The following AMACR variants were observed in gnomAD, a reference collection of about 807,000 sequenced individuals.
The protein encoded by AMACR is 2-methylacyl-CoA racemase.
Under a neutral mutation model 22.2 loss-of-function variants are expected in AMACR, and 18 were observed. The observed-to-expected ratio is 0.81, with a 90% CI of 0.56 to 1.20. The LOEUF (loss-of-function observed/expected upper bound fraction) is 1.20. Among genes scored for constraint, AMACR ranks in the 50% most tolerant of loss-of-function variants. The pLI is 0.00. For missense variants in AMACR, 499 were observed against 490.6 expected, an observed-to-expected ratio of 1.02 and a Z score of -0.16; for synonymous variants, 213 against 191.3, an observed-to-expected ratio of 1.11 and a Z score of -0.94.
intron 3 of AMACR, among the ~76,000 whole-genome samples, chr5:34,002,196 C>A (rs1162999759): frequency 6.6e-6 from 1 of 152,086 alleles, no homozygotes; most frequent in African/African-American, 2.4e-5. Context: ...GGGGTTTCAC[C>A]ATGTTGGCCA....
At chr5:33,996,541 T>G (rs973149639) in intron 4 of AMACR, among the ~76,000 whole-genome samples, 10 of 152,294 alleles carry the variant, frequency 6.6e-5, no homozygotes, top group African/African-American at 2.4e-4. Flanking sequence ...ATCCCAGTAC[T>G]TTGGGAAGCT....
intron 2 of AMACR, 79 bp from the exon 3 acceptor site, chr5:34,004,813 A>G: frequency 1.3e-6 from 2 of 1,482,446 alleles, no homozygotes; most frequent in Admixed American, 3.7e-5. Context: ...ATCTTAGAGG[A>G]ATAATCAATC....
Position 34,007,772 on chromosome 5 carries a change from C to A in AMACR, c.247+1G>T. ...GAGCAGCCCGCGGGGCCCGGGCTCA[C>A]CGCGGCGGAAGGGCTCCAGCAGCAC... On this transcript the variant is annotated splice_donor_variant, in intron 1 of 4. Coordinates refer to ENST00000335606, the MANE Select transcript of AMACR (RefSeq NM_014324.6). LOFTEE classifies it high-confidence loss of function. 6.4e-7 allele frequency: 1 copy of A among 1,551,126 alleles called. No individual in the cohort carries two copies. The highest frequency in any genetic ancestry group is 8.7e-7 in the Non-Finnish European group (1 of 1,154,654).
intron 3 of AMACR, among the ~76,000 whole-genome samples, chr5:34,002,022 G>A (rs555236199): frequency 5.3e-5 from 8 of 152,074 alleles, no homozygotes; most frequent in East Asian, 1.9e-4. Flanking sequence ...TTTGAAACAC[G>A]GTCTCACTCT....
Position 33,989,429 on chromosome 5 carries a change from A to C in AMACR, c.813T>G (p.Phe271Leu), listed in dbSNP as rs773169828. 6.2e-7 allele frequency: 1 copy of C among 1,614,198 alleles called. No individual in the cohort carries two copies. The highest frequency in any genetic ancestry group is 1.1e-5 in the South Asian group (1 of 91,088). ...MDDWPEMKKK[F>L]ADVFAEKTKA... ...TCGTCTTCTCTGCAAATACATCTGC[A>C]AACTTCTTCTTCATTTCTGGCCAAT... Residue 271 changes from phenylalanine to leucine, a missense_variant, in exon 5 of 5, where the codon TTT becomes TTG. Transcript: ENST00000335606.
Position 33,998,626 on chromosome 5 carries a change from G to A in AMACR, c.739+15C>T, listed in dbSNP as rs537833252. 60 of 1,593,376 alleles carry A rather than the reference G, an allele frequency of 3.8e-5. 1 individual carries two copies. Among genetic ancestry groups the A allele is most frequent in the South Asian group, 2.6e-4 (23 of 88,658 alleles). ...GCAAAAGGGGAACTGGGGGAGACGCGTGAAGTTCACTTACCTTTGATCAGC... is the reference window on the plus strand; with the variant it reads ...GCAAAAGGGGAACTGGGGGAGACGCATGAAGTTCACTTACCTTTGATCAGC... On this transcript the variant is annotated intron_variant, in intron 4 of 4. Coordinates refer to ENST00000335606, the MANE Select transcript of AMACR (RefSeq NM_014324.6).
chr5:33,989,185 T>C lies in AMACR; in HGVS notation c.1057A>G (p.Ile353Val). The C allele has an allele frequency of 6.2e-7, 1 of 1,614,192 alleles. No individual in the cohort carries two copies. Among genetic ancestry groups the C allele is most frequent in the African/African-American group, 1.3e-5 (1 of 75,048 alleles). The part of the protein sequence containing the change: ...DPFIGEHTEE[I>V]LEEFGFSREE... ...CGGCTGAATCCAAATTCTTCAAGTA[T>C]CTCCTCAGTGTGTTCTCCTATGAAA... is the stretch of plus-strand genomic sequence containing the variant. Residue 353 changes from isoleucine to valine, a missense_variant, in exon 5 of 5, where the codon ATA (isoleucine) becomes GTA (valine). By Grantham distance (29) the Ile-to-Val change is conservative. Coordinates refer to ENST00000335606, the MANE Select transcript of AMACR (RefSeq NM_014324.6).
At chr5:33,993,973 A>G (rs867120333) in intron 4 of AMACR, 1 of 446,744 alleles carries the variant, frequency 2.2e-6, no homozygotes, top group South Asian at 1.6e-5. Context: ...GAGACTTGCT[A>G]TCTCAAAATG....
At chr5:33,996,166 T>TAA (rs34284851) in intron 4 of AMACR, among the ~76,000 whole-genome samples, 9 of 148,022 alleles carry the variant, frequency 6.1e-5, no homozygotes, top group East Asian at 2.0e-4. Context: ...GTTGATTTAA[T>TAA]AAAAAAAAAA....
Position 33,989,249 on chromosome 5 carries a change from C to G in AMACR, c.993G>C (p.Leu331=). 6.2e-7 allele frequency: 1 copy of G among 1,614,118 alleles called. No individual in the cohort carries two copies. The highest frequency in any genetic ancestry group is 8.5e-7 in the Non-Finnish European group (1 of 1,180,000). ...QDVSPRPAPL[L]LNTPAIPSFK... ...AAGAAGGGATGGCTGGGGTGTTTAA[C>G]AGCAGAGGTGCAGGGCGGGGGCTCA... The change falls in exon 5 of 5, where the codon CTG becomes CTC. Residue 331 remains leucine, a synonymous_variant. Coordinates refer to ENST00000335606, the MANE Select transcript of AMACR (RefSeq NM_014324.6).
At chr5:33,994,112 A>G (rs139756639) in intron 4 of AMACR, 15 of 453,870 alleles carry the variant, frequency 3.3e-5, no homozygotes, top group African/African-American at 2.6e-4. Flanking sequence ...AAAGTATGGT[A>G]TCAAAGATCT....
rs1253008688 is a variant in AMACR at position 34,005,905 on chromosome 5, G to A, written c.248-6C>T. 6.2e-6 allele frequency: 10 copies of A among 1,614,000 alleles called. No individual in the cohort carries two copies. The highest frequency in any genetic ancestry group is 7.6e-6 in the Non-Finnish European group (9 of 1,180,028). ...CTGGAGTTTCTCCATGACACCTTAA[G>A]AGAAAAGTAACGATCTTCTTAAGAG... On this transcript the variant is annotated splice_region_variant and splice_polypyrimidine_tract_variant and intron_variant, in intron 1 of 4. Coordinates refer to ENST00000335606, the MANE Select transcript of AMACR (RefSeq NM_014324.6).
At chr5:33,994,744 C>T (rs1050309889) in intron 4 of AMACR, among the ~76,000 whole-genome samples, 1 of 151,734 alleles carries the variant, frequency 6.6e-6, no homozygotes, top group African/African-American at 2.4e-5. Flanking sequence ...GCTATGGATG[C>T]AAAAAGAGGG....
At chr5:33,997,304 C>G (rs757385823) in intron 4 of AMACR, 12 of 773,366 alleles carry the variant, frequency 1.6e-5, no homozygotes, top group Non-Finnish European at 4.8e-6. Context: ...CTGAAGCATC[C>G]CCCAGCAGCC....
chr5:33,994,361 T>C (rs1753574062), intron 4 of AMACR, among the ~76,000 whole-genome samples: 1 of 152,072 alleles, frequency 6.6e-6, no homozygotes, highest in Admixed American at 6.6e-5. Context: ...GTATCTTTAG[T>C]AGAGACGGGG....
chr5:33,988,532 G>A lies in AMACR; in HGVS notation c.*561C>T. On this transcript the variant is annotated 3_prime_UTR_variant, in exon 5 of 5. Transcript: ENST00000335606. ...TATTTTGGATATGTTTTTTTCAGTT[G>A]AAGGCATTCTGATTCAATACAGGTG... The A allele has an allele frequency of 7.2e-7, 1 of 1,395,292 alleles. No homozygotes were observed. Among genetic ancestry groups the A allele is most frequent in the Non-Finnish European group, 9.3e-7 (1 of 1,078,672 alleles). 86.4% of individuals were successfully genotyped at this position (1,395,292 alleles called of 1,614,324 possible).
chr5:33,998,619 G>C, intron 4 of AMACR, 22 bp downstream of exon 4: 3 of 1,584,142 alleles, frequency 1.9e-6, no homozygotes, highest in Non-Finnish European at 2.6e-6. Flanking sequence ...GGAACTGGGG[G>C]AGACGCGTGA....
At chr5:34,006,596 C>T (rs531325095) in intron 1 of AMACR, among the ~76,000 whole-genome samples, 6 of 152,360 alleles carry the variant, frequency 3.9e-5, no homozygotes, top group African/African-American at 1.4e-4. Context: ...CACAACTCCT[C>T]ACCCGGAGGC....
chr5:34,001,817 T>C (rs1049812269), intron 3 of AMACR, among the ~76,000 whole-genome samples: 4 of 152,220 alleles, frequency 2.6e-5, no homozygotes, highest in African/African-American at 9.7e-5. Context: ...TGCCTTCCCC[T>C]AATCAGCTTC....
Sources: allele counts gnomAD v4.1 joint callset (sites outside exome capture counted in the v4.1 genomes callset), GRCh38; gene constraint gnomAD v4.1.1; transcripts MANE v1.5; gene names NCBI Gene and HGNC (gene_info 2026-07-23, HGNC 2026-07-21).